The following SH3D19 variants were observed in gnomAD, a reference collection of about 807,000 sequenced individuals.
The protein encoded by SH3D19 is SH3 domain containing 19, also known as SH3 domain-containing protein 19.
In SH3D19, 58 loss-of-function variants were observed where a neutral mutation model predicts 112.1. That is an observed-to-expected ratio of 0.52 (90% CI 0.42 to 0.64). SH3D19 has a LOEUF of 0.64. SH3D19 is among the 30% of genes least tolerant of loss of function. The probability of loss-of-function intolerance (pLI) is 0.00; values close to 1 mark genes in which losing one functional copy is unlikely to be tolerated. For missense variants in SH3D19, 1,090 were observed against 1,263.4 expected (o/e 0.86, Z 2.08); for synonymous variants, 391 against 448.5 (o/e 0.87, Z 1.62).
Position 151,135,059 on chromosome 4 carries a change from A to G in SH3D19, c.2486+15T>C. ...TCCTTTGTATTTTGTGTAAAAGAAC[A>G]CAAATAAAACTTACTTAACACAATG... is the stretch of plus-strand genomic sequence containing the variant. On this transcript the variant is annotated intron_variant, in intron 15 of 19. Transcript: ENST00000604030. The G allele has an allele frequency of 6.3e-7, 1 of 1,580,114 alleles. No individual in the cohort carries two copies. Among genetic ancestry groups the G allele is most frequent in the African/African-American group, 1.4e-5 (1 of 73,542 alleles).
chr4:151,123,983 A>T (rs1271236456), intron 19 of SH3D19, among the ~76,000 whole-genome samples: 1 of 152,196 alleles, frequency 6.6e-6, no homozygotes, highest in East Asian at 1.9e-4. Flanking sequence ...AAATTCTGGC[A>T]ATTCAAAGTT....
intron 2 of SH3D19, among the ~76,000 whole-genome samples, chr4:151,220,558 A>G (rs765597981): frequency 6.6e-6 from 1 of 152,132 alleles, no homozygotes; most frequent in Admixed American, 6.5e-5. Context: ...TTAATTTTCT[A>G]TTGGTGGCAC....
intron 1 of SH3D19, among the ~76,000 whole-genome samples, chr4:151,272,947 G>A (rs1368457430): frequency 2.6e-5 from 4 of 151,524 alleles, no homozygotes. Flanking sequence ...TTACATGAGG[G>A]GCTGTAAGTG....
chr4:151,131,841 T>C (rs1750788387), intron 17 of SH3D19, among the ~76,000 whole-genome samples: 1 of 151,970 alleles, frequency 6.6e-6, no homozygotes, highest in African/African-American at 2.4e-5. Flanking sequence ...TCTTTCTTTT[T>C]TGAGATAGAG....
intron 1 of SH3D19, chr4:151,226,575 A>G: frequency 1.7e-6 from 1 of 585,384 alleles, no homozygotes; most frequent in Non-Finnish European, 2.2e-6. Context: ...TCTACCACCC[A>G]GAACATTTCA....
intron 2 of SH3D19, among the ~76,000 whole-genome samples, chr4:151,193,573 C>G (rs549845242): frequency 6.6e-6 from 1 of 152,070 alleles, no homozygotes; most frequent in Non-Finnish European, 1.5e-5. Context: ...ACTGGTATGC[C>G]GCTAAATTTG....
chr4:151,240,421 A>C (rs773159983), intron 1 of SH3D19, among the ~76,000 whole-genome samples: 8 of 151,842 alleles, frequency 5.3e-5, no homozygotes, highest in Non-Finnish European at 1.0e-4. Context: ...TTAAAAAAAA[A>C]AAAAGTCAAG....
chr4:151,162,588 A>T (rs1030470773), intron 8 of SH3D19, among the ~76,000 whole-genome samples: 3 of 149,498 alleles, frequency 2.0e-5, no homozygotes, highest in Non-Finnish European at 4.4e-5. Flanking sequence ...CCTACTTACA[A>T]GATTGGTCCC....
intron 2 of SH3D19, among the ~76,000 whole-genome samples, chr4:151,220,665 T>C (rs529960446): frequency 1.7e-4 from 26 of 152,342 alleles, no homozygotes; most frequent in African/African-American, 6.0e-4. Flanking sequence ...TTTTCCTAGA[T>C]GTTATTAATA....
chr4:151,157,272 C>A (rs974033255), intron 9 of SH3D19, among the ~76,000 whole-genome samples: 13 of 149,916 alleles, frequency 8.7e-5, no homozygotes, highest in African/African-American at 2.9e-4. Flanking sequence ...AAAAAAAAAA[C>A]GGCAAATGAT....
At chr4:151,133,322 T>G (rs1436367105) in intron 15 of SH3D19, 86 bp from the exon 16 acceptor site, 13 of 1,107,012 alleles carry the variant, frequency 1.2e-5, no homozygotes, top group Non-Finnish European at 1.6e-5. Flanking sequence ...CAATAAATAT[T>G]TATTCTGGGT....
chr4:151,151,932 AGAT>A (rs1344340794), intron 9 of SH3D19, among the ~76,000 whole-genome samples: 2 of 152,256 alleles, frequency 1.3e-5, no homozygotes, highest in South Asian at 2.1e-4. Context: ...GGAAAGATGC[AGAT>A]GATGTACTGT....
intron 17 of SH3D19, 41 bp downstream of exon 17, chr4:151,132,290 G>C: frequency 1.3e-6 from 2 of 1,543,482 alleles, no homozygotes; most frequent in Non-Finnish European, 1.8e-6. Context: ...CCCAGAGTCT[G>C]AACCTGGCTG....
intron 1 of SH3D19, among the ~76,000 whole-genome samples, chr4:151,296,365 A>G (rs1292023178): frequency 1.3e-5 from 2 of 152,206 alleles, no homozygotes; most frequent in Admixed American, 6.6e-5. Context: ...CAAACATGAG[A>G]TACAGCACCT....
chr4:151,217,041 T>C (rs1407406673), intron 2 of SH3D19, among the ~76,000 whole-genome samples: 1 of 152,154 alleles, frequency 6.6e-6, no homozygotes, highest in African/African-American at 2.4e-5. Context: ...GTTTATGGCA[T>C]TACAGATGCT....
intron 2 of SH3D19, among the ~76,000 whole-genome samples, chr4:151,201,963 G>A (rs922132026): frequency 6.6e-6 from 1 of 150,980 alleles, no homozygotes; most frequent in Non-Finnish European, 1.5e-5. Flanking sequence ...AGTGAGCCGA[G>A]ATTGCCCCAC....
At chr4:151,235,672 G>T (rs1769981455) in intron 1 of SH3D19, among the ~76,000 whole-genome samples, 1 of 152,180 alleles carries the variant, frequency 6.6e-6, no homozygotes, top group Non-Finnish European at 1.5e-5. Context: ...TGTAATCTCA[G>T]CTACCTGGGA....
At chr4:151,263,963 C>G (rs1772574127) in intron 1 of SH3D19, among the ~76,000 whole-genome samples, 1 of 152,154 alleles carries the variant, frequency 6.6e-6, no homozygotes, top group African/African-American at 2.4e-5. Flanking sequence ...CACACCACCA[C>G]TCTGAGCTAT....
intron 6 of SH3D19, among the ~76,000 whole-genome samples, chr4:151,176,292 GATA>G (rs766567226): frequency 2.0e-5 from 3 of 152,202 alleles, no homozygotes; most frequent in Admixed American, 6.5e-5. Flanking sequence ...GAATTATACG[GATA>G]ATGTTTTTGT....
Sources: gnomAD v4.1 joint callset for allele counts (sites outside exome capture counted in the v4.1 genomes callset) on GRCh38, gnomAD v4.1.1 for gene constraint, MANE v1.5 for transcripts, NCBI Gene and HGNC (gene_info 2026-07-23, HGNC 2026-07-21) for gene names.